SLC52A3: variants seen among roughly 807,000 people sequenced by gnomAD.
SLC52A3 encodes solute carrier family 52 member 3.
In SLC52A3, 20 loss-of-function variants were observed where a neutral mutation model predicts 29.5. That is an observed-to-expected ratio of 0.68 (90% CI 0.48 to 0.99). SLC52A3 has a LOEUF of 0.99. SLC52A3 is among the 50% of genes least tolerant of loss of function. The pLI, the probability that SLC52A3 is intolerant of heterozygous loss-of-function variation, is 0.00. For missense variants in SLC52A3, 548 were observed against 612.9 expected (o/e 0.89, Z 1.12); for synonymous variants, 301 against 271.0 (o/e 1.11, Z -1.09).
At chr20:776,861 G>C (rs530523595), upstream of SLC52A3, among the ~76,000 whole-genome samples, 27 of 151,680 alleles carry the variant, frequency 1.8e-4, no homozygotes, top group Non-Finnish European at 3.4e-4. Context: ...GCTTTTGGGG[G>C]GGGGGCCACA....
upstream of SLC52A3, among the ~76,000 whole-genome samples, chr20:772,971 G>A (rs1469881200): frequency 6.6e-6 from 1 of 152,252 alleles, no homozygotes; most frequent in African/African-American, 2.4e-5. Context: ...TCAAAGGACA[G>A]CTAGGAGGCC....
chr20:767,470 C>T (rs1000881572), intron 1 of SLC52A3, among the ~76,000 whole-genome samples: 1 of 152,010 alleles, frequency 6.6e-6, no homozygotes, highest in Non-Finnish European at 1.5e-5. Context: ...ATTCTCCTGC[C>T]TCAGCCTCCC....
chr20:765,098 A>T lies in SLC52A3; in HGVS notation c.567+110T>A. ...CTGTTGATCTGCCTTATGTCAGTTT[A>T]ACTCATAGGCCGACCAAAGAACCTA... On this transcript the variant is annotated intron_variant, in intron 2 of 4. Coordinates refer to ENST00000645534, the MANE Select transcript of SLC52A3 (RefSeq NM_033409.4). This position sits in a 1 kb window ranked among gnomAD's most constrained non-coding sequence, Gnocchi z 6.6. 1 of 1,238,640 alleles carries T rather than the reference A, an allele frequency of 8.1e-7. No individual in the cohort carries two copies. The highest frequency in any genetic ancestry group is 1.2e-6 in the Non-Finnish European group (1 of 857,272). 76.7% of individuals were successfully genotyped at this position (1,238,640 alleles called of 1,614,324 possible).
chr20:770,314 G>A (rs766923830), upstream of SLC52A3, among the ~76,000 whole-genome samples: 3 of 152,020 alleles, frequency 2.0e-5, no homozygotes, highest in Non-Finnish European at 4.4e-5. This position sits in a 1 kb window ranked among gnomAD's most constrained non-coding sequence, Gnocchi z 4.5. Context: ...GCACCACAAT[G>A]TCCGGCTAAT....
Position 774,116 on chromosome 20 carries a change from C to A in SLC52A3, c.-238+1839G>T, listed in dbSNP as rs567706078. On this transcript the variant is annotated intron_variant, in intron 1 of 5. Transcript: ENST00000217254. ...GCCCAGGTGACCATCTGGCTTGCCA[C>A]GGGCTGGGCCACCTGAGCTCCTGGC... 2.0e-5 allele frequency among the ~76,000 whole-genome samples: 3 copies of A among 152,198 alleles called. No homozygotes were observed. The East Asian group carries it at 5.8e-4, about 29-fold the overall frequency.
Position 765,312 on chromosome 20 carries a change from C to A in SLC52A3, c.463G>T (p.Val155Leu), listed in dbSNP as rs1236849359. 1.2e-6 allele frequency: 2 copies of A among 1,614,066 alleles called. No homozygotes were observed. Among genetic ancestry groups the A allele is most frequent in the Admixed American group, 3.3e-5 (2 of 60,010 alleles). Residue 155 changes from valine (V) to leucine (L), a missense_variant, in exon 2 of 5, where the codon GTG (valine) becomes TTG (leucine). Around this residue, in one of 2 missense-constraint regions of SLC52A3, gnomAD observed 375 missense variants for 471.1 expected, o/e 0.80. Transcript: ENST00000645534. This position sits in a 1 kb window ranked among gnomAD's most constrained non-coding sequence, Gnocchi z 6.6. ...EGLSGLLPAL[V>L]ALAQGSGLTT... ...AGACCGGAGCCCTGGGCAAGAGCCA[C>A]CAGGGCGGGCAAGAGGCCGCTGAGT...
upstream of SLC52A3, among the ~76,000 whole-genome samples, chr20:769,291 G>C (rs1018106197): frequency 6.6e-6 from 1 of 152,162 alleles, no homozygotes; most frequent in African/African-American, 2.4e-5. Context: ...GGAAGAAGTG[G>C]CCCCCCACTT....
chr20:770,355 C>A (rs919992256), upstream of SLC52A3, among the ~76,000 whole-genome samples: 23 of 152,192 alleles, frequency 1.5e-4, no homozygotes, highest in African/African-American at 5.1e-4. The surrounding 1 kb of genome is among the most constrained non-coding windows in gnomAD (Gnocchi z 4.5). Flanking sequence ...GACGGGGTTT[C>A]TCCATGTTGC....
rs866331802 is a variant in SLC52A3 at position 763,703 on chromosome 20, C to T, written c.868G>A (p.Glu290Lys). 2 of 1,614,136 alleles carry T rather than the reference C, an allele frequency of 1.2e-6. No homozygotes were observed. The highest frequency in any genetic ancestry group is 4.5e-5 in the East Asian group (2 of 44,882). ...DSSQGQGYLE[E>K]KAAPCCPAHL... The stretch of plus-strand genomic sequence containing the variant: ...GCCGGGCAGCAGGGGGCTGCTTTCT[C>T]CTCTAGATACCCCTGGCCCTGGCTG... The change falls in exon 3 of 5, where the codon GAG becomes AAG. Residue 290 changes from glutamate (E) to lysine (K), a missense_variant. Physicochemically the swap from Glu to Lys is moderately conservative, Grantham distance 56. Around this residue, in one of 2 missense-constraint regions of SLC52A3, gnomAD observed 375 missense variants for 471.1 expected, o/e 0.80. Transcript: ENST00000645534.
At chr20:768,108 C>A (rs989576726) in intron 1 of SLC52A3, among the ~76,000 whole-genome samples, 189 bp downstream of exon 1, 2 of 152,196 alleles carry the variant, frequency 1.3e-5, no homozygotes, top group Non-Finnish European at 2.9e-5. Context: ...TATAAGGATG[C>A]TGGTGAGTTT....
In SLC52A3 at chr20:765,885, A is replaced by C; in HGVS notation, c.-51-60T>G. The C allele has an allele frequency of 2.8e-6, 3 of 1,073,212 alleles. No homozygotes were observed. The highest frequency in any genetic ancestry group is 1.6e-5 in the African/African-American group (1 of 63,692). 66.5% of individuals were successfully genotyped at this position (1,073,212 alleles called of 1,614,324 possible). On this transcript the variant is annotated intron_variant, in intron 1 of 4. Coordinates refer to ENST00000645534, the MANE Select transcript of SLC52A3 (RefSeq NM_033409.4). This position sits in a 1 kb window ranked among gnomAD's most constrained non-coding sequence, Gnocchi z 6.6. ...CTTCACCACCTAGCAAGATGCTGGG[A>C]CCTGGGGCCCAGAGTTTTCTCTTAT...
chr20:766,649 A>T (rs1250335482), intron 1 of SLC52A3, among the ~76,000 whole-genome samples: 2 of 150,776 alleles, frequency 1.3e-5, no homozygotes, highest in Non-Finnish European at 3.0e-5. Flanking sequence ...TCCACTACCT[A>T]CCCAAATCCT....
At chr20:761,930 A>T in intron 3 of SLC52A3, 106 bp from the exon 4 acceptor site, 1 of 1,544,212 alleles carries the variant, frequency 6.5e-7, no homozygotes, top group Non-Finnish European at 8.8e-7. Context: ...GTTAGTTTAG[A>T]CCCATGTGGA....
intron 3 of SLC52A3, 113 bp downstream of exon 3, chr20:763,385 C>G (rs1689495488): frequency 6.9e-7 from 1 of 1,439,500 alleles, no homozygotes; most frequent in African/African-American, 1.4e-5. Context: ...AGGGTGCTCC[C>G]CAAACATGTT....
chr20:776,860 G>GC (rs1294079177), upstream of SLC52A3, among the ~76,000 whole-genome samples: 2 of 151,684 alleles, frequency 1.3e-5, no homozygotes, highest in African/African-American at 4.9e-5. Flanking sequence ...CGCTTTTGGG[G>GC]GGGGGGCCAC....
Position 765,044 on chromosome 20 carries a change from G to A in SLC52A3, c.567+164C>T, listed in dbSNP as rs1377733048. On this transcript the variant is annotated intron_variant, in intron 2 of 4. Coordinates refer to ENST00000645534, the MANE Select transcript of SLC52A3 (RefSeq NM_033409.4). The surrounding 1 kb of genome is among the most constrained non-coding windows in gnomAD (Gnocchi z 6.6). ...ATTTTTTGGGGACTCCCATGCGTAT[G>A]TATGTAAGTAATTAAAATGAGTTTC... Among the ~76,000 whole-genome samples, 1 of 152,172 alleles carries A rather than the reference G, an allele frequency of 6.6e-6. No individual in the cohort carries two copies. Among genetic ancestry groups the A allele is most frequent in the African/African-American group, 2.4e-5 (1 of 41,432 alleles).
At chr20:773,689 G>C (rs1986918162) in intron 1 of SLC52A3, among the ~76,000 whole-genome samples, 1 of 152,198 alleles carries the variant, frequency 6.6e-6, no homozygotes, top group Non-Finnish European at 1.5e-5. Context: ...GAAACCTAAG[G>C]CTTCGCATGA....
chr20:770,669 G>T (rs1390084256), upstream of SLC52A3, among the ~76,000 whole-genome samples: 1 of 152,174 alleles, frequency 6.6e-6, no homozygotes, highest in African/African-American at 2.4e-5. The surrounding 1 kb of genome is among the most constrained non-coding windows in gnomAD (Gnocchi z 4.5). Flanking sequence ...ACTTTGTTTT[G>T]TAAATGGAAA....
intron 1 of SLC52A3, among the ~76,000 whole-genome samples, chr20:767,786 C>G (rs940744324): frequency 6.6e-6 from 1 of 152,228 alleles, no homozygotes; most frequent in Non-Finnish European, 1.5e-5. Context: ...ATATCACTCT[C>G]TACGTGGCCT....
Sources: gnomAD v4.1 joint callset for allele counts (sites outside exome capture counted in the v4.1 genomes callset) on GRCh38, gnomAD v4.1.1 for gene constraint, gnomAD v4.1.1 regional missense constraint, Gnocchi (gnomAD v3.1) non-coding constraint, MANE v1.5 for transcripts, NCBI Gene and HGNC (gene_info 2026-07-23, HGNC 2026-07-21) for gene names.